LARGE1: variants seen among roughly 807,000 people sequenced by gnomAD.
The protein encoded by LARGE1 is xylosyl- and glucuronyltransferase LARGE1.
Under a neutral mutation model 87.6 loss-of-function variants are expected in LARGE1, and 43 were observed. The observed-to-expected ratio is 0.49, with a 90% CI of 0.38 to 0.63. LARGE1 has a LOEUF of 0.63. Ranked by LOEUF, LARGE1 falls within the 30% of genes least tolerant of loss-of-function variation. The pLI, the probability that LARGE1 is intolerant of heterozygous loss-of-function variation, is 0.00. For missense variants in LARGE1, 802 were observed against 1,000.2 expected, an observed-to-expected ratio of 0.80 and a Z score of 2.67; for synonymous variants, 434 against 394.6, an observed-to-expected ratio of 1.10 and a Z score of -1.18.
At chr22:33,855,869 T>G (rs923432568) in intron 1 of LARGE1, among the ~76,000 whole-genome samples, 1 of 152,180 alleles carries the variant, frequency 6.6e-6, no homozygotes, top group Non-Finnish European at 1.5e-5. Flanking sequence ...AGCAAAACCA[T>G]GAAGGACTAC....
intron 9 of LARGE1, among the ~76,000 whole-genome samples, chr22:33,354,253 T>C (rs1031462097): frequency 1.6e-4 from 25 of 152,246 alleles, no homozygotes; most frequent in African/African-American, 6.0e-4. Context: ...TCCATCGTTA[T>C]GGGATTGTGA....
At chr22:33,499,726 C>T (rs2301405) in intron 6 of LARGE1, among the ~76,000 whole-genome samples, 132,067 of 152,226 alleles carry the variant, frequency 0.87, 57,383 homozygotes, top group East Asian at 0.96. Context: ...CAGCATCTTA[C>T]GCAATTATGT....
chr22:33,188,192 T>C (rs934818737), intron 11 of LARGE1, among the ~76,000 whole-genome samples: 3 of 152,114 alleles, frequency 2.0e-5, no homozygotes, highest in African/African-American at 7.2e-5. Context: ...AATACTCTTG[T>C]TCATAAGTCA....
chr22:33,535,823 G>A lies in LARGE1; in HGVS notation c.787+29025C>T, dbSNP rs192965093. Among the ~76,000 whole-genome samples, 8 of 152,088 alleles carry A rather than the reference G, an allele frequency of 5.3e-5. No homozygotes were observed. In the East Asian group the frequency reaches 7.8e-4, roughly 15 times the overall value. ...GCTGATCTGTGATGTCGGTTCCCCC[G>A]TCCCATCTGTATTTTCACTCCTGAA... On this transcript the variant is annotated intron_variant, in intron 6 of 14. Coordinates refer to ENST00000397394, the MANE Select transcript of LARGE1 (RefSeq NM_133642.5).
At chr22:33,099,220 T>C in the LARGE1 span, among the ~76,000 whole-genome samples, 2 of 151,680 alleles carry the variant, frequency 1.3e-5, no homozygotes, top group East Asian at 3.9e-4. Flanking sequence ...AAGATAGCTA[T>C]GGAGTGTGGA....
intron 12 of LARGE1, among the ~76,000 whole-genome samples, chr22:33,299,514 G>T (rs1933856362): frequency 6.6e-6 from 1 of 152,148 alleles, no homozygotes; most frequent in Non-Finnish European, 1.5e-5. Flanking sequence ...AAAAAATTGA[G>T]ATGGTCACAT....
chr22:33,540,383 C>G (rs2077159447), intron 6 of LARGE1, among the ~76,000 whole-genome samples: 1 of 152,176 alleles, frequency 6.6e-6, no homozygotes, highest in Non-Finnish European at 1.5e-5. Context: ...ATCCTATGAC[C>G]AGCCCAGCCC....
chr22:33,283,015 G>A (rs533442492), intron 13 of LARGE1, among the ~76,000 whole-genome samples, 187 bp downstream of exon 13: 45 of 152,156 alleles, frequency 3.0e-4, no homozygotes, highest in Non-Finnish European at 5.4e-4. Flanking sequence ...AAAGTACATG[G>A]CACGTACCGG....
chr22:33,766,923 T>C (rs1461125816), intron 1 of LARGE1, among the ~76,000 whole-genome samples: 51 of 7,150 alleles, frequency 7.1e-3, no homozygotes, highest in African/African-American at 0.048. Flanking sequence ...CATATATATA[T>C]ATATATATAT....
At chr22:33,441,530 C>A (rs532107336) in intron 6 of LARGE1, among the ~76,000 whole-genome samples, 1 of 152,132 alleles carries the variant, frequency 6.6e-6, no homozygotes, top group Non-Finnish European at 1.5e-5. Flanking sequence ...CATGGCTCAG[C>A]GCAGCCTTGA....
At chr22:33,661,178 T>A (rs2081111038) in intron 2 of LARGE1, among the ~76,000 whole-genome samples, 1 of 152,182 alleles carries the variant, frequency 6.6e-6, no homozygotes, top group African/African-American at 2.4e-5. Context: ...CAAACTGTCA[T>A]TCTGGTTGGC....
intron 6 of LARGE1, among the ~76,000 whole-genome samples, chr22:33,446,877 G>T (rs2067706159): frequency 6.6e-6 from 1 of 152,108 alleles, no homozygotes; most frequent in Admixed American, 6.5e-5. Context: ...GTGCTGATGT[G>T]GTCAGAATTG....
intron 7 of LARGE1, among the ~76,000 whole-genome samples, chr22:33,395,775 A>G (rs2065720299): frequency 6.6e-6 from 1 of 152,316 alleles, no homozygotes; most frequent in African/African-American, 2.4e-5. Context: ...TACTTCTCAC[A>G]GTGTATGATG....
the LARGE1 span, among the ~76,000 whole-genome samples, chr22:33,111,680 T>C: frequency 6.6e-6 from 1 of 152,196 alleles, no homozygotes; most frequent in Non-Finnish European, 1.5e-5. Context: ...GACATATGCA[T>C]TTGCATCCCA....
chr22:33,900,493 A>G (rs191644510), intron 1 of LARGE1, among the ~76,000 whole-genome samples: 1 of 152,306 alleles, frequency 6.6e-6, no homozygotes, highest in African/African-American at 2.4e-5. Context: ...TACGATTTCT[A>G]GATTGCTTTC....
At chr22:33,839,307 A>G (rs1428234468) in intron 1 of LARGE1, among the ~76,000 whole-genome samples, 1 of 152,214 alleles carries the variant, frequency 6.6e-6, no homozygotes, top group African/African-American at 2.4e-5. Flanking sequence ...ATTTCTCATG[A>G]GTAAGAACTG....
At chr22:33,679,052 C>A (rs1414117370) in intron 2 of LARGE1, among the ~76,000 whole-genome samples, 1 of 152,186 alleles carries the variant, frequency 6.6e-6, no homozygotes, top group Non-Finnish European at 1.5e-5. Flanking sequence ...CGGCCACCTG[C>A]AGAACTCTCC....
At chr22:33,757,387 T>C (rs1463018530) in intron 2 of LARGE1, among the ~76,000 whole-genome samples, 1 of 152,164 alleles carries the variant, frequency 6.6e-6, no homozygotes, top group African/African-American at 2.4e-5. Context: ...CAGAAGCTTG[T>C]AGGTAGAATG....
chr22:33,584,675 G>GA (rs71187271), intron 5 of LARGE1, among the ~76,000 whole-genome samples: 39,462 of 146,314 alleles, frequency 0.27, 5,849 homozygotes, highest in East Asian at 0.35. Context: ...CTGTGCTACT[G>GA]AAAAAAAAAA....
Sources: allele counts gnomAD v4.1 joint callset (sites outside exome capture counted in the v4.1 genomes callset), GRCh38; gene constraint gnomAD v4.1.1; transcripts MANE v1.5; gene names NCBI Gene and HGNC (gene_info 2026-07-23, HGNC 2026-07-21).